GRAMD1B: variants seen among roughly 807,000 people sequenced by gnomAD.
The protein encoded by GRAMD1B is protein Aster-B.
In GRAMD1B, 37 loss-of-function variants were observed where a neutral mutation model predicts 99.7. That is an observed-to-expected ratio of 0.37 (90% CI 0.29 to 0.49). The LOEUF (loss-of-function observed/expected upper bound fraction) is 0.49, where lower values mean the gene tolerates loss of function less well. GRAMD1B is among the 20% of genes least tolerant of loss of function. The probability of loss-of-function intolerance (pLI) is 0.98; values close to 1 mark genes in which losing one functional copy is unlikely to be tolerated. For synonymous variants in GRAMD1B, 427 were observed against 387.6 expected (o/e 1.10, Z -1.19); for missense variants, 888 against 1,009.2 (o/e 0.88, Z 1.63).
chr11:123,478,303 C>T (rs971068833), intron 1 of GRAMD1B, among the ~76,000 whole-genome samples: 2 of 152,204 alleles, frequency 1.3e-5, no homozygotes, highest in African/African-American at 2.4e-5. Context: ...TGAGCCAACC[C>T]GCCTGGTTCC....
At position 123,587,566 on chromosome 11, in the gene GRAMD1B, ATCACAGGGGTT is replaced by A. The variant is rs1377854103; in HGVS notation, c.684+3237_684+3247del. Among the ~76,000 whole-genome samples the A allele has an allele frequency of 6.6e-6, 1 of 152,192 alleles. No individual in the cohort carries two copies. The highest frequency in any genetic ancestry group is 2.4e-5 in the African/African-American group (1 of 41,446). ...CCCTCAGCCCCCAACGGGGCATAACATCACAGGGGTTTCCTTCCTTGGCCTCCTGGCGCATT... is the reference window on the plus strand; with the variant it reads ...CCCTCAGCCCCCAACGGGGCATAACATCCTTCCTTGGCCTCCTGGCGCATT... On this transcript the variant is annotated intron_variant, in intron 4 of 19. Transcript: ENST00000635736. This position sits in a 1 kb window ranked among gnomAD's most constrained non-coding sequence, Gnocchi z 4.2.
chr11:123,427,248 C>A (rs1305702052), upstream of GRAMD1B, among the ~76,000 whole-genome samples: 1 of 152,214 alleles, frequency 6.6e-6, no homozygotes, highest in African/African-American at 2.4e-5. Context: ...TGTTTCTCTA[C>A]ACTTTTGGAG....
chr11:123,403,450 T>TG lies in GRAMD1B; in HGVS notation c.-176+44651_-176+44652insG, dbSNP rs1947739788. 6.2e-3 allele frequency among the ~76,000 whole-genome samples: 291 copies of TG among 46,954 alleles called. 1 individual carries two copies. Among genetic ancestry groups the TG allele is most frequent in the African/African-American group, 0.034 (274 of 7,962 alleles). The allele number at this position is 46,954 out of a possible 152,430, so 30.8% of individuals were successfully genotyped here. A position where few individuals can be genotyped will look rare whatever the true frequency, so the allele number is the denominator to read the frequency against. On this transcript the variant is annotated intron_variant, in intron 1 of 20. Transcript: ENST00000638157. ...CTCAAAATAATGATGATGATGATGA[T>TG]AATAATAATAATAATAATAATAATA...
intron 6 of GRAMD1B, among the ~76,000 whole-genome samples, chr11:123,595,538 C>T (rs1352412581): frequency 6.6e-6 from 1 of 152,130 alleles, no homozygotes; most frequent in African/African-American, 2.4e-5. Context: ...AGGTGATCCG[C>T]CCGCCTCCGC....
chr11:123,481,253 G>A (rs1447166496), intron 2 of GRAMD1B, among the ~76,000 whole-genome samples: 1 of 152,094 alleles, frequency 6.6e-6, no homozygotes, highest in Non-Finnish European at 1.5e-5. Flanking sequence ...TCTGGAGTTC[G>A]AGACTAGCCT....
intron 1 of GRAMD1B, among the ~76,000 whole-genome samples, chr11:123,415,821 A>C (rs1948216301): frequency 6.6e-6 from 1 of 152,074 alleles, no homozygotes; most frequent in Non-Finnish European, 1.5e-5. Flanking sequence ...TTTTCTATTA[A>C]AATATAGTCA....
chr11:123,524,699 G>A (rs1942525545), intron 2 of GRAMD1B, among the ~76,000 whole-genome samples: 3 of 152,164 alleles, frequency 2.0e-5, no homozygotes, highest in Admixed American at 1.3e-4. Context: ...ATGTTCATAC[G>A]ACACGAGGAT....
At chr11:123,607,356 G>A (rs1952881038) in intron 11 of GRAMD1B, among the ~76,000 whole-genome samples, 1 of 152,190 alleles carries the variant, frequency 6.6e-6, no homozygotes, top group South Asian at 2.1e-4. Context: ...GGAACATGCT[G>A]CTGCTTACCT....
intron 2 of GRAMD1B, among the ~76,000 whole-genome samples, chr11:123,519,716 C>G (rs1380578326): frequency 2.0e-5 from 3 of 152,248 alleles, no homozygotes; most frequent in Non-Finnish European, 2.9e-5. Context: ...AGCACAGAAT[C>G]CAAGAACTTG....
Position 123,624,816 on chromosome 11 carries a change from T to C in GRAMD1B, c.*2221T>C, listed in dbSNP as rs981047366. 1.8e-4 allele frequency: 27 copies of C among 152,096 alleles called. No individual in the cohort carries two copies. Among genetic ancestry groups the C allele is most frequent in the Non-Finnish European group, 5.9e-5 (4 of 68,022 alleles). The allele number at this position is 152,096 out of a possible 1,614,324, so 9.4% of individuals were successfully genotyped here. Reference sequence around the variant, plus strand: ...GACCTTTGGGATGACTTAAAAAGGGTTCTTTGTTGGGAGTCAAGTGACAGA... The same window carrying C: ...GACCTTTGGGATGACTTAAAAAGGGCTCTTTGTTGGGAGTCAAGTGACAGA... On this transcript the variant is annotated 3_prime_UTR_variant, in exon 20 of 20. Transcript: ENST00000635736.
At chr11:123,410,205 A>G (rs1947992724) in intron 1 of GRAMD1B, among the ~76,000 whole-genome samples, 1 of 151,522 alleles carries the variant, frequency 6.6e-6, no homozygotes, top group African/African-American at 2.4e-5. Context: ...AAAAGCAAAA[A>G]CAAAAACAAA....
chr11:123,590,458 C>G (rs1417616220), intron 4 of GRAMD1B, among the ~76,000 whole-genome samples: 2 of 152,220 alleles, frequency 1.3e-5, no homozygotes, highest in African/African-American at 2.4e-5. Flanking sequence ...CAGCAACTTT[C>G]CATTGCAGGA....
intron 2 of GRAMD1B, among the ~76,000 whole-genome samples, chr11:123,555,189 G>A (rs11219197): frequency 0.11 from 16,081 of 152,186 alleles, 2,323 homozygotes; most frequent in African/African-American, 0.32. Context: ...GGGTGGATTT[G>A]CAGCTGAGGG....
intron 2 of GRAMD1B, among the ~76,000 whole-genome samples, chr11:123,503,729 T>G (rs981459123): frequency 1.3e-5 from 2 of 152,078 alleles, no homozygotes; most frequent in Non-Finnish European, 2.9e-5. Context: ...TATTTTTTAG[T>G]AAAGACAAGG....
chr11:123,557,866 G>A (rs1211824375), intron 2 of GRAMD1B, among the ~76,000 whole-genome samples: 4 of 150,818 alleles, frequency 2.7e-5, no homozygotes, highest in Non-Finnish European at 5.9e-5. Flanking sequence ...AGCACAACTT[G>A]TTCAAAGTTA....
chr11:123,620,194 C>CTG (rs1954933504), intron 19 of GRAMD1B, among the ~76,000 whole-genome samples: 1 of 152,132 alleles, frequency 6.6e-6, no homozygotes, highest in Non-Finnish European at 1.5e-5. Context: ...GAAAAAGAGG[C>CTG]CGGGTGTGGT....
chr11:123,589,807 C>G (rs555005232), intron 4 of GRAMD1B, among the ~76,000 whole-genome samples: 2 of 152,048 alleles, frequency 1.3e-5, no homozygotes, highest in African/African-American at 4.8e-5. Context: ...TTTTGAAGTA[C>G]AGTAAAGTTT....
chr11:123,518,914 A>C (rs565276127), intron 2 of GRAMD1B, among the ~76,000 whole-genome samples: 2 of 152,202 alleles, frequency 1.3e-5, no homozygotes, highest in Non-Finnish European at 2.9e-5. Context: ...AAAGAGGGGC[A>C]AAGAAGCCTG....
chr11:123,448,147 G>A (rs1949721727), intron 1 of GRAMD1B, among the ~76,000 whole-genome samples: 1 of 151,884 alleles, frequency 6.6e-6, no homozygotes, highest in Admixed American at 6.6e-5. Flanking sequence ...GGGCTTCCAG[G>A]TGTGGTCCAC....
Sources: allele counts gnomAD v4.1 joint callset (sites outside exome capture counted in the v4.1 genomes callset), GRCh38; gene constraint gnomAD v4.1.1; non-coding constraint Gnocchi (gnomAD v3.1); transcripts MANE v1.5; gene names NCBI Gene and HGNC (gene_info 2026-07-23, HGNC 2026-07-21).